The following CALN1 variants were observed in gnomAD, a reference collection of about 807,000 sequenced individuals.
CALN1 encodes the protein calcium-binding protein 8.
In CALN1, 17 loss-of-function variants were observed where a neutral mutation model predicts 30.6. That is an observed-to-expected ratio of 0.56 (90% confidence interval 0.38 to 0.83). The LOEUF is 0.83. Ranked by LOEUF, CALN1 falls within the 40% of genes least tolerant of loss-of-function variation. The probability of loss-of-function intolerance (pLI) is 0.00; values close to 1 mark genes in which losing one functional copy is unlikely to be tolerated. For synonymous variants in CALN1, 156 were observed against 131.4 expected (o/e 1.19, Z -1.28); for missense variants, 291 against 354.9 (o/e 0.82, Z 1.45).
At chr7:72,184,322 T>A (rs549183788) in intron 3 of CALN1, among the ~76,000 whole-genome samples, 1 of 152,356 alleles carries the variant, frequency 6.6e-6, no homozygotes, top group South Asian at 2.1e-4. Flanking sequence ...AGCAATTGTG[T>A]AATGCCTCCA....
chr7:72,255,442 T>C (rs1303550463), intron 3 of CALN1, among the ~76,000 whole-genome samples: 1 of 150,192 alleles, frequency 6.7e-6, no homozygotes, highest in African/African-American at 2.5e-5. Flanking sequence ...TGAGATGGAA[T>C]CTCGCTTTGT....
intron 5 of CALN1, among the ~76,000 whole-genome samples, chr7:71,990,218 A>G (rs561608986): frequency 5.9e-5 from 9 of 152,338 alleles, no homozygotes; most frequent in South Asian, 2.1e-4. Flanking sequence ...TATGCTAATT[A>G]TAATAGATAA....
intron 3 of CALN1, among the ~76,000 whole-genome samples, chr7:72,114,340 TAACAACA>T (rs150398608): frequency 8.1e-4 from 108 of 132,788 alleles, no homozygotes; most frequent in Non-Finnish European, 1.1e-3. Flanking sequence ...GTGATGGCAT[TAACAACA>T]AACAATTCAG....
chr7:72,121,358 CAATAT>C, intron 3 of CALN1, among the ~76,000 whole-genome samples: 1 of 140,346 alleles, frequency 7.1e-6, no homozygotes, highest in South Asian at 2.2e-4. Context: ...TATAATTATG[CAATAT>C]GATATATAAA....
Position 72,332,919 on chromosome 7 carries a change from A to G in CALN1, c.120-54109T>C, listed in dbSNP as rs181044174. The stretch of plus-strand genomic sequence containing the variant: ...GGTCTTCTCAGTGCCAAATCCATTC[A>G]CCACGAAGTCTCCAGCCACAACTGA... On this transcript the variant is annotated intron_variant, in intron 2 of 6. Coordinates refer to ENST00000395275, the MANE Select transcript of CALN1 (RefSeq NM_031468.4). Among the ~76,000 whole-genome samples the G allele has an allele frequency of 1.1e-3, 165 of 152,132 alleles. No homozygotes were observed. The East Asian group carries it at 0.03, about 27-fold the overall frequency.
intron 2 of CALN1, among the ~76,000 whole-genome samples, chr7:72,399,045 G>C (rs6946889): frequency 6.6e-6 from 1 of 151,720 alleles, no homozygotes; most frequent in Admixed American, 6.6e-5. Context: ...AGAACTTTGA[G>C]AAAAAGGAGT....
intron 4 of CALN1, among the ~76,000 whole-genome samples, chr7:72,056,545 A>T (rs1371621049): frequency 6.6e-6 from 1 of 152,182 alleles, no homozygotes; most frequent in Non-Finnish European, 1.5e-5. Flanking sequence ...GAATTAGAGG[A>T]TAAAAAATTA....
chr7:72,153,851 G>A (rs544763415), intron 3 of CALN1, among the ~76,000 whole-genome samples: 1 of 152,276 alleles, frequency 6.6e-6, no homozygotes, highest in Admixed American at 6.5e-5. Flanking sequence ...TATCAGCCTG[G>A]GAGCTGGTCC....
intron 2 of CALN1, among the ~76,000 whole-genome samples, chr7:72,387,748 C>A (rs1805323908): frequency 6.6e-6 from 1 of 152,150 alleles, no homozygotes; most frequent in Non-Finnish European, 1.5e-5. Flanking sequence ...CCAAGGGGAA[C>A]TAAGGAGACA....
chr7:72,113,902 C>A (rs1194441933), intron 3 of CALN1, among the ~76,000 whole-genome samples: 2 of 151,994 alleles, frequency 1.3e-5, no homozygotes, highest in African/African-American at 4.8e-5. Context: ...GTGGCTACAG[C>A]TGGAATGACA....
At chr7:72,479,528 T>TATAGTTTTACATATATAGTTTTA in the CALN1 span, among the ~76,000 whole-genome samples, 57 of 151,700 alleles carry the variant, frequency 3.8e-4, no homozygotes, top group Non-Finnish European at 5.9e-5. Context: ...GTTTTACATA[T>TATAGTTTTACATATATAGTTTTA]GGATATTCAG....
chr7:71,858,503 G>GAAA (rs75639187), intron 5 of CALN1, among the ~76,000 whole-genome samples: 1 of 137,922 alleles, frequency 7.3e-6, no homozygotes, highest in African/African-American at 2.6e-5. Flanking sequence ...AAAGAGTAAA[G>GAAA]AAAAAAAAAA....
At chr7:71,868,739 C>T (rs1051095526) in intron 5 of CALN1, among the ~76,000 whole-genome samples, 1 of 152,072 alleles carries the variant, frequency 6.6e-6, no homozygotes, top group African/African-American at 2.4e-5. Flanking sequence ...TCACCTCCCC[C>T]CAGGTCCTAC....
chr7:72,018,160 C>T (rs1409907382), intron 5 of CALN1, among the ~76,000 whole-genome samples: 2 of 152,174 alleles, frequency 1.3e-5, no homozygotes, highest in East Asian at 3.9e-4. Flanking sequence ...GGGCTCTTTC[C>T]TCTGCCACTT....
intron 5 of CALN1, among the ~76,000 whole-genome samples, chr7:71,843,073 T>C (rs1435568778): frequency 6.6e-6 from 1 of 152,188 alleles, no homozygotes; most frequent in Non-Finnish European, 1.5e-5. Flanking sequence ...AGGATGGGTA[T>C]TGGACGGCCT....
chr7:71,800,847 G>A (rs1378980724), intron 6 of CALN1, among the ~76,000 whole-genome samples: 2 of 152,128 alleles, frequency 1.3e-5, no homozygotes, highest in African/African-American at 4.8e-5. Context: ...TACATGTGCA[G>A]AATGTGCAGG....
chr7:71,923,376 G>C (rs1795083320), intron 5 of CALN1, among the ~76,000 whole-genome samples: 1 of 152,180 alleles, frequency 6.6e-6, no homozygotes, highest in Admixed American at 6.5e-5. Context: ...TAGCTAGCTT[G>C]AAGGAAGAAT....
intron 4 of CALN1, among the ~76,000 whole-genome samples, chr7:72,084,355 C>G (rs908872392): frequency 4.6e-5 from 7 of 151,832 alleles, no homozygotes; most frequent in Non-Finnish European, 1.0e-4. Context: ...AAAGCTAAAA[C>G]CATAAATCTT....
intron 2 of CALN1, among the ~76,000 whole-genome samples, chr7:72,330,679 T>A (rs1441039845): frequency 6.6e-6 from 1 of 152,214 alleles, no homozygotes; most frequent in African/African-American, 2.4e-5. Context: ...TCTGGTTGGA[T>A]GAATGAAAGC....
Sources: gnomAD v4.1 joint callset for allele counts (sites outside exome capture counted in the v4.1 genomes callset) on GRCh38, gnomAD v4.1.1 for gene constraint, MANE v1.5 for transcripts, NCBI Gene and HGNC (gene_info 2026-07-23, HGNC 2026-07-21) for gene names.